The following ATP8A2 variants were observed in gnomAD, a reference collection of about 807,000 sequenced individuals.
The protein encoded by ATP8A2 is ATPase phospholipid transporting 8A2.
A neutral mutation model predicts 165.6 loss-of-function variants in ATP8A2; 100 were observed. The ratio of observed to expected loss-of-function variants is 0.60; its 90% CI spans 0.51 to 0.71. The LOEUF (loss-of-function observed/expected upper bound fraction) is 0.71, where lower values mean the gene tolerates loss of function less well. Ranked by LOEUF, ATP8A2 falls within the 30% of genes least tolerant of loss-of-function variation. The pLI is 0.00. For missense variants in ATP8A2, 1,227 were observed against 1,479.5 expected, an observed-to-expected ratio of 0.83 and a Z score of 2.80; for synonymous variants, 543 against 548.8, an observed-to-expected ratio of 0.99 and a Z score of 0.15.
rs2042954279 is a variant in ATP8A2, at chr13:25,701,693, G to A, written c.2384+2348G>A. 2.0e-5 allele frequency among the ~76,000 whole-genome samples: 3 copies of A among 149,558 alleles called. No homozygotes were observed. In the South Asian group the frequency reaches 6.4e-4, roughly 32 times the overall value. ...TGCCTGTAAGGGTTTACAGGAACAT[G>A]TTCTTTTCTTGCCAGGTGCTTGATA... On this transcript the variant is annotated intron_variant, in intron 25 of 36. Transcript: ENST00000381655.
intron 2 of ATP8A2, among the ~76,000 whole-genome samples, chr13:25,478,588 TA>T (rs1288155680): frequency 6.6e-6 from 1 of 152,226 alleles, no homozygotes; most frequent in African/African-American, 2.4e-5. Context: ...ACTGAAATCA[TA>T]GGTTTTTAGC....
chr13:25,626,845 A>C (rs1281652752), intron 24 of ATP8A2, among the ~76,000 whole-genome samples: 1 of 152,124 alleles, frequency 6.6e-6, no homozygotes, highest in East Asian at 1.9e-4. Context: ...AAGGCGAACA[A>C]AGGCATGTCT....
chr13:25,621,417 T>A (rs2040965019), intron 24 of ATP8A2, among the ~76,000 whole-genome samples: 1 of 152,244 alleles, frequency 6.6e-6, no homozygotes, highest in African/African-American at 2.4e-5. Context: ...CCTTTTCTGC[T>A]ACTTAGTGCT....
intron 30 of ATP8A2, among the ~76,000 whole-genome samples, chr13:25,848,133 C>G (rs1455096212): frequency 6.6e-6 from 1 of 152,260 alleles, no homozygotes; most frequent in African/African-American, 2.4e-5. Context: ...ATGGCCTTGC[C>G]AGGCATGCTG....
At chr13:25,962,759 G>T (rs988573345) in intron 34 of ATP8A2, among the ~76,000 whole-genome samples, 1 of 152,068 alleles carries the variant, frequency 6.6e-6, no homozygotes, top group Non-Finnish European at 1.5e-5. Context: ...TTAGCCCTCC[G>T]TTCCTCCCAC....
intron 24 of ATP8A2, among the ~76,000 whole-genome samples, chr13:25,653,350 AC>A (rs1179026668): frequency 6.6e-6 from 1 of 152,228 alleles, no homozygotes; most frequent in Non-Finnish European, 1.5e-5. Flanking sequence ...TAATGTAGGA[AC>A]AGAAAACCAA....
chr13:25,755,260 C>T (rs958518889), intron 25 of ATP8A2, among the ~76,000 whole-genome samples: 1 of 152,172 alleles, frequency 6.6e-6, no homozygotes. Flanking sequence ...GGCAGGCCCT[C>T]TCCACTGTAG....
At position 25,372,142 on chromosome 13, in the gene ATP8A2, G is replaced by GC; in HGVS notation, c.-67dup. The GC allele has an allele frequency of 9.1e-7, 1 of 1,103,388 alleles. No homozygotes were observed. Among genetic ancestry groups the GC allele is most frequent in the Non-Finnish European group, 1.2e-6 (1 of 853,340 alleles). The allele number at this position is 1,103,388 out of a possible 1,614,324, so 68.3% of individuals were successfully genotyped here. A position where few individuals can be genotyped will look rare whatever the true frequency, so the allele number is the denominator to read the frequency against. On this transcript the variant is annotated 5_prime_UTR_variant, in exon 1 of 37. Transcript: ENST00000381655. This position sits in a 1 kb window ranked among gnomAD's most constrained non-coding sequence, Gnocchi z 4.8. ...GCCCACCCATGGTCCTCGGGCGGCG[G>GC]CCCCTGCGCCCAGCCCTGCGCGTAG...
intron 30 of ATP8A2, among the ~76,000 whole-genome samples, chr13:25,842,425 A>G (rs190822251): frequency 6.6e-6 from 1 of 152,208 alleles, no homozygotes; most frequent in Non-Finnish European, 1.5e-5. Flanking sequence ...CTATAATCCC[A>G]AAACTTTGGG....
chr13:25,475,728 C>T (rs1356666431), intron 2 of ATP8A2, among the ~76,000 whole-genome samples: 1 of 152,098 alleles, frequency 6.6e-6, no homozygotes, highest in African/African-American at 2.4e-5. Flanking sequence ...TGAGATGGTA[C>T]TCATTGTGGT....
chr13:25,859,295 TC>T (rs1349373888), intron 30 of ATP8A2, among the ~76,000 whole-genome samples: 1 of 152,054 alleles, frequency 6.6e-6, no homozygotes, highest in East Asian at 1.9e-4. Context: ...TCATTTGTAC[TC>T]CAGACCTCAG....
chr13:25,745,877 G>T (rs1038693187), intron 25 of ATP8A2, among the ~76,000 whole-genome samples: 5 of 152,130 alleles, frequency 3.3e-5, no homozygotes, highest in Non-Finnish European at 7.4e-5. Context: ...TGCCAAAAAT[G>T]GTATTTTAGT....
At chr13:25,639,395 G>C (rs2041454561) in intron 24 of ATP8A2, among the ~76,000 whole-genome samples, 1 of 152,152 alleles carries the variant, frequency 6.6e-6, no homozygotes, top group Admixed American at 6.5e-5. Context: ...TCAAAATAAA[G>C]GGATGGAGGA....
chr13:25,682,869 G>A (rs2042522293), intron 24 of ATP8A2, among the ~76,000 whole-genome samples: 2 of 152,180 alleles, frequency 1.3e-5, no homozygotes, highest in South Asian at 2.1e-4. Flanking sequence ...GTATAAGCCA[G>A]TTCCCTTCTG....
intron 2 of ATP8A2, among the ~76,000 whole-genome samples, chr13:25,518,400 G>A (rs995353742): frequency 2.0e-5 from 3 of 152,172 alleles, no homozygotes; most frequent in African/African-American, 7.2e-5. Flanking sequence ...AATATTGAAC[G>A]CTTACTGTAT....
intron 33 of ATP8A2, among the ~76,000 whole-genome samples, chr13:25,865,804 T>C (rs142539221): frequency 6.6e-6 from 1 of 152,320 alleles, no homozygotes; most frequent in Non-Finnish European, 1.5e-5. Flanking sequence ...TTAAGGGGCA[T>C]CCTGTTTTTC....
chr13:25,499,095 T>A (rs2036769669), intron 2 of ATP8A2, among the ~76,000 whole-genome samples: 1 of 152,222 alleles, frequency 6.6e-6, no homozygotes, highest in Non-Finnish European at 1.5e-5. Flanking sequence ...CCAAGATCCA[T>A]TCTCTATCCT....
chr13:25,568,134 T>TG (rs2039368991), intron 16 of ATP8A2, among the ~76,000 whole-genome samples: 1 of 152,236 alleles, frequency 6.6e-6, no homozygotes, highest in Non-Finnish European at 1.5e-5. Context: ...TTTAGGACTG[T>TG]GTTAAGCTTT....
At chr13:25,970,526 G>GA (rs1198099076) in intron 35 of ATP8A2, among the ~76,000 whole-genome samples, 2 of 152,250 alleles carry the variant, frequency 1.3e-5, no homozygotes, top group Non-Finnish European at 2.9e-5. Context: ...ATTTTGCAGA[G>GA]ATACAGAACC....
Sources: allele counts gnomAD v4.1 joint callset (sites outside exome capture counted in the v4.1 genomes callset), GRCh38; gene constraint gnomAD v4.1.1; non-coding constraint Gnocchi (gnomAD v3.1); transcripts MANE v1.5; gene names NCBI Gene and HGNC (gene_info 2026-07-23, HGNC 2026-07-21).